JARID2: variants seen among roughly 807,000 people sequenced by gnomAD.
JARID2 encodes jumonji and AT-rich interaction domain containing 2.
In JARID2, 21 loss-of-function variants were observed where a neutral mutation model predicts 125.6. That is an observed-to-expected ratio of 0.17 (90% CI 0.12 to 0.24). The LOEUF (loss-of-function observed/expected upper bound fraction) is 0.24, where lower values mean the gene tolerates loss of function less well. Ranked by LOEUF, JARID2 falls within the 10% of genes least tolerant of loss-of-function variation. The pLI is 1.00. For missense variants in JARID2, 1,303 were observed against 1,639.6 expected (o/e 0.79, Z 3.55); for synonymous variants, 736 against 661.6 (o/e 1.11, Z -1.73).
intron 5 of JARID2, among the ~76,000 whole-genome samples, chr6:15,476,891 G>A (rs1031641752): frequency 5.9e-5 from 9 of 152,168 alleles, no homozygotes; most frequent in African/African-American, 2.2e-4. Flanking sequence ...TTTTCCAGGG[G>A]GTAAGTGAGG....
At chr6:15,495,015 G>T (rs1349458643) in intron 6 of JARID2, among the ~76,000 whole-genome samples, 1 of 152,170 alleles carries the variant, frequency 6.6e-6, no homozygotes, top group Admixed American at 6.5e-5. Flanking sequence ...TTTGGAGATG[G>T]TGGTGGTTAT....
At chr6:15,283,540 C>T (rs1270738306) in intron 1 of JARID2, among the ~76,000 whole-genome samples, 1 of 150,008 alleles carries the variant, frequency 6.7e-6, no homozygotes, top group Non-Finnish European at 1.5e-5. Context: ...GACGGGATTT[C>T]ACCGTGTTAG....
At chr6:15,498,818 C>CT (rs1267664548) in intron 7 of JARID2, among the ~76,000 whole-genome samples, 2 of 152,208 alleles carry the variant, frequency 1.3e-5, no homozygotes, top group Non-Finnish European at 2.9e-5. Context: ...CACGCGTGCA[C>CT]CCACGCCCGC....
At chr6:15,365,375 G>A (rs1417344482) in intron 1 of JARID2, among the ~76,000 whole-genome samples, 17 of 152,132 alleles carry the variant, frequency 1.1e-4, no homozygotes, top group Admixed American at 8.5e-4. Context: ...GCCGTGTTGC[G>A]TGGTTCTGGC....
At chr6:15,403,246 G>T (rs1358058702) in intron 2 of JARID2, among the ~76,000 whole-genome samples, 1 of 152,100 alleles carries the variant, frequency 6.6e-6, no homozygotes, top group African/African-American at 2.4e-5. Flanking sequence ...TTTGTGAGAG[G>T]TTTTGTGTTG....
At chr6:15,264,405 T>C (rs1394939839) in intron 1 of JARID2, among the ~76,000 whole-genome samples, 2 of 152,166 alleles carry the variant, frequency 1.3e-5, no homozygotes, top group Non-Finnish European at 2.9e-5. Context: ...TGTCAAAAAA[T>C]TCTTTACTAA....
At chr6:15,272,571 C>T (rs1760338940) in intron 1 of JARID2, among the ~76,000 whole-genome samples, 1 of 152,212 alleles carries the variant, frequency 6.6e-6, no homozygotes, top group Non-Finnish European at 1.5e-5. Context: ...CCATTTCCCC[C>T]AAATTGCAGC....
intron 17 of JARID2, 53 bp from the exon 18 acceptor site, chr6:15,520,016 G>C: frequency 6.7e-7 from 1 of 1,502,364 alleles, no homozygotes; most frequent in Non-Finnish European, 9.0e-7. Flanking sequence ...CTCAGGGACA[G>C]AGCTCTTGTT....
intron 1 of JARID2, among the ~76,000 whole-genome samples, chr6:15,249,891 C>T (rs769369484): frequency 1.3e-5 from 2 of 152,152 alleles, no homozygotes; most frequent in African/African-American, 4.8e-5. Context: ...AAACATTTGC[C>T]TTTGAAAGCC....
At chr6:15,441,356 A>T (rs1162341031) in intron 3 of JARID2, among the ~76,000 whole-genome samples, 1 of 152,178 alleles carries the variant, frequency 6.6e-6, no homozygotes, top group African/African-American at 2.4e-5. Flanking sequence ...GGTCCTAAAA[A>T]TTGGCTAATA....
intron 3 of JARID2, among the ~76,000 whole-genome samples, chr6:15,416,293 G>C (rs1040489146): frequency 1.3e-5 from 2 of 152,188 alleles, no homozygotes; most frequent in Non-Finnish European, 2.9e-5. Flanking sequence ...GGTGGCGGCC[G>C]GGCAGAGGCT....
At chr6:15,258,968 G>A (rs1179096104) in intron 1 of JARID2, among the ~76,000 whole-genome samples, 2 of 152,096 alleles carry the variant, frequency 1.3e-5, no homozygotes, top group Non-Finnish European at 2.9e-5. Context: ...AGATAATAAG[G>A]GTGCTTAGCA....
At chr6:15,388,326 G>C (rs1764866070) in intron 2 of JARID2, among the ~76,000 whole-genome samples, 1 of 151,982 alleles carries the variant, frequency 6.6e-6, no homozygotes, top group Non-Finnish European at 1.5e-5. Flanking sequence ...AGCCAGAAGA[G>C]TGATTACTAG....
chr6:15,390,940 G>T (rs563148578), intron 2 of JARID2, among the ~76,000 whole-genome samples: 1 of 152,200 alleles, frequency 6.6e-6, no homozygotes, highest in African/African-American at 2.4e-5. Context: ...CAGAAAATGG[G>T]ATACTAATTT....
intron 5 of JARID2, among the ~76,000 whole-genome samples, chr6:15,478,893 G>GCC (rs1769478865): frequency 2.0e-5 from 3 of 152,046 alleles, no homozygotes; most frequent in Non-Finnish European, 4.4e-5. Context: ...ATGCTCTCCC[G>GCC]AGCTCAGGTG....
rs1760355415 is a variant in JARID2 at position 15,273,017 on chromosome 6, A to G, written c.45+26433A>G. 2.0e-5 allele frequency among the ~76,000 whole-genome samples: 3 copies of G among 152,074 alleles called. No homozygotes were observed. The South Asian group carries it at 6.2e-4, about 31-fold the overall frequency. On this transcript the variant is annotated intron_variant, in intron 1 of 17. Transcript: ENST00000341776. ...AGGTTATATTTGTGTTTTCTTATCA[A>G]CCTACAAAATAAAGCCTAGTAAGTT... is the stretch of plus-strand genomic sequence containing the variant.
At chr6:15,310,349 ATGAC>A (rs1253369881) in intron 1 of JARID2, among the ~76,000 whole-genome samples, 1 of 152,208 alleles carries the variant, frequency 6.6e-6, no homozygotes, top group Non-Finnish European at 1.5e-5. Context: ...TTCTTTACAA[ATGAC>A]TAGTCACAGT....
chr6:15,516,552 C>T (rs901484179), intron 16 of JARID2, among the ~76,000 whole-genome samples: 4 of 152,198 alleles, frequency 2.6e-5, no homozygotes, highest in East Asian at 1.9e-4. Context: ...GTGAGGTCAT[C>T]GGCGTCACAG....
At chr6:15,483,180 C>T (rs1769705749) in intron 5 of JARID2, among the ~76,000 whole-genome samples, 1 of 152,180 alleles carries the variant, frequency 6.6e-6, no homozygotes, top group Non-Finnish European at 1.5e-5. Context: ...ATAAAAACAA[C>T]ATCCTATGAA....
Sources: gnomAD v4.1 joint callset for allele counts (sites outside exome capture counted in the v4.1 genomes callset) on GRCh38, gnomAD v4.1.1 for gene constraint, MANE v1.5 for transcripts, NCBI Gene and HGNC (gene_info 2026-07-23, HGNC 2026-07-21) for gene names.